Variants in LPP observed in about 807,000 individuals in gnomAD.
LPP encodes lipoma-preferred partner.
Under a neutral mutation model 60.4 loss-of-function variants are expected in LPP, and 38 were observed. The ratio of observed to expected loss-of-function variants is 0.63; its 90% CI spans 0.49 to 0.83. LPP has a LOEUF of 0.83. LPP is among the 40% of genes least tolerant of loss of function. The pLI, the probability that LPP is intolerant of heterozygous loss-of-function variation, is 0.00. For synonymous variants in LPP, 328 were observed against 290.8 expected, an observed-to-expected ratio of 1.13 and a Z score of -1.30; for missense variants, 902 against 783.6, an observed-to-expected ratio of 1.15 and a Z score of -1.80.
At chr3:188,311,894 T>G (rs1355314910) in intron 2 of LPP, among the ~76,000 whole-genome samples, 3 of 152,098 alleles carry the variant, frequency 2.0e-5, no homozygotes, top group Non-Finnish European at 4.4e-5. Context: ...CTGCCTCGAC[T>G]TCCCAAAGTG....
At position 188,828,539 on chromosome 3, in the gene LPP, C is replaced by T. The variant is rs556411399; in HGVS notation, c.1411-37661C>T. ...CTGAGGCAGGAGAATTGCTTGAACT[C>T]GGGAGGTGGAGGTTTCAGAGAGCAG... is the stretch of plus-strand genomic sequence containing the variant. On this transcript the variant is annotated intron_variant, in intron 9 of 11. Coordinates refer to ENST00000617246, the MANE Select transcript of LPP (RefSeq NM_001375462.1). 1.2e-4 allele frequency among the ~76,000 whole-genome samples: 16 copies of T among 135,350 alleles called. No individual in the cohort carries two copies. The South Asian group carries it at 1.9e-3, about 16-fold the overall frequency. The allele number at this position is 135,350 out of a possible 152,430, so 88.8% of individuals were successfully genotyped here.
intron 6 of LPP, among the ~76,000 whole-genome samples, chr3:188,557,469 G>C (rs897388226): frequency 6.6e-6 from 1 of 152,102 alleles, no homozygotes; most frequent in African/African-American, 2.4e-5. Context: ...TGCAATTCCT[G>C]TGCCAATTCA....
chr3:188,407,779 TGTTTGTTTG>T lies in LPP; in HGVS notation c.193+1467_193+1475del, dbSNP rs1463961185. The stretch of plus-strand genomic sequence containing the variant: ...CTTCCTCATTTATGGTTTTTTTTTT[TGTTTGTTTG>T]TTTTTTTTTTTTTTTTTTTGAGATG... On this transcript the variant is annotated intron_variant, in intron 4 of 11. Transcript: ENST00000617246. 8.7e-4 allele frequency among the ~76,000 whole-genome samples: 44 copies of T among 50,862 alleles called. 1 individual carries two copies. The highest frequency in any genetic ancestry group is 1.8e-3 in the African/African-American group (35 of 19,422). The allele number at this position is 50,862 out of a possible 152,430, so 33.4% of individuals were successfully genotyped here.
intron 9 of LPP, among the ~76,000 whole-genome samples, chr3:188,843,699 A>G (rs1461465505): frequency 6.8e-6 from 1 of 147,182 alleles, no homozygotes; most frequent in Non-Finnish European, 1.5e-5. Context: ...AGGCAGGAGA[A>G]TGGCGTGAAC....
chr3:188,272,418 A>C (rs1331079037), intron 2 of LPP, among the ~76,000 whole-genome samples: 3 of 152,194 alleles, frequency 2.0e-5, no homozygotes, highest in South Asian at 2.1e-4. Flanking sequence ...TCACCGTAAT[A>C]TTAGGACCAA....
At chr3:188,798,923 A>G (rs1382768512) in intron 9 of LPP, among the ~76,000 whole-genome samples, 1 of 152,232 alleles carries the variant, frequency 6.6e-6, no homozygotes, top group Non-Finnish European at 1.5e-5. Context: ...ATACAGCTGC[A>G]GTGTGGGTTC....
intron 2 of LPP, among the ~76,000 whole-genome samples, chr3:188,304,160 C>T (rs1015044123): frequency 6.6e-6 from 1 of 152,054 alleles, no homozygotes; most frequent in Non-Finnish European, 1.5e-5. Flanking sequence ...AGCTTTGTTG[C>T]TTTTGAATTT....
intron 5 of LPP, among the ~76,000 whole-genome samples, chr3:188,501,718 G>A (rs1323690898): frequency 4.8e-5 from 7 of 145,766 alleles, no homozygotes; most frequent in Admixed American, 1.4e-4. Flanking sequence ...CAGCCTGGGT[G>A]ACAGAGGAAG....
chr3:188,640,887 T>G (rs529416498), intron 7 of LPP, among the ~76,000 whole-genome samples: 2 of 152,348 alleles, frequency 1.3e-5, no homozygotes, highest in Non-Finnish European at 2.9e-5. Context: ...GAAATTACTA[T>G]TTGTATTATT....
chr3:188,543,613 T>C (rs1412491521), intron 6 of LPP, among the ~76,000 whole-genome samples: 2 of 152,188 alleles, frequency 1.3e-5, no homozygotes, highest in Non-Finnish European at 2.9e-5. Context: ...TATCCTCAGT[T>C]ATTTGTCATG....
intron 5 of LPP, among the ~76,000 whole-genome samples, chr3:188,512,566 A>AATAC (rs72175777): frequency 2.7e-5 from 4 of 150,318 alleles, no homozygotes; most frequent in African/African-American, 9.8e-5. Flanking sequence ...TCTATAAATA[A>AATAC]ATAAATAAAT....
rs1266335912 is a variant in LPP, at chr3:188,697,513, C to T, written c.1114-10754C>T. 2.6e-5 allele frequency among the ~76,000 whole-genome samples: 4 copies of T among 152,210 alleles called. No individual in the cohort carries two copies. The East Asian group carries it at 7.7e-4, about 29-fold the overall frequency. On this transcript the variant is annotated intron_variant, in intron 7 of 11. Transcript: ENST00000617246. ...GGAAAGTGTTTTTATGCATATCAGA[C>T]TGAAAATCTAGGTGCCTTATTTTTA...
At chr3:188,640,754 A>G (rs1014033676) in intron 7 of LPP, among the ~76,000 whole-genome samples, 1 of 152,062 alleles carries the variant, frequency 6.6e-6, no homozygotes, top group African/African-American at 2.4e-5. Context: ...TCAGAATGAT[A>G]GTAACTGGCC....
intron 7 of LPP, among the ~76,000 whole-genome samples, chr3:188,676,161 G>A (rs1858030512): frequency 6.6e-6 from 1 of 152,134 alleles, no homozygotes; most frequent in African/African-American, 2.4e-5. Flanking sequence ...GTATTCTGGT[G>A]GAATCGAATT....
At chr3:188,443,324 T>G (rs1404448473) in intron 4 of LPP, among the ~76,000 whole-genome samples, 2 of 152,234 alleles carry the variant, frequency 1.3e-5, no homozygotes, top group African/African-American at 4.8e-5. Flanking sequence ...CTGCATAGCT[T>G]CAGTCTGATG....
chr3:188,263,395 C>T (rs1734367928), intron 2 of LPP, among the ~76,000 whole-genome samples: 1 of 152,200 alleles, frequency 6.6e-6, no homozygotes, highest in Non-Finnish European at 1.5e-5. Flanking sequence ...ATTATTTTCT[C>T]TCTCAAAACC....
chr3:188,371,452 G>C (rs1328586054), intron 3 of LPP, among the ~76,000 whole-genome samples: 2 of 150,724 alleles, frequency 1.3e-5, no homozygotes, highest in Non-Finnish European at 3.0e-5. Context: ...ACCATGACCA[G>C]GTATCAGACA....
intron 7 of LPP, among the ~76,000 whole-genome samples, chr3:188,638,359 G>A (rs1011811886): frequency 7.5e-5 from 11 of 147,648 alleles, no homozygotes; most frequent in East Asian, 4.0e-4. Flanking sequence ...TTGATGGGAT[G>A]TATTTCAAAA....
intron 2 of LPP, among the ~76,000 whole-genome samples, chr3:188,320,764 G>A (rs913648214): frequency 2.0e-5 from 3 of 152,138 alleles, no homozygotes; most frequent in Non-Finnish European, 2.9e-5. Flanking sequence ...CTGATGCATC[G>A]TACTTACTGA....
Sources: allele counts gnomAD v4.1 joint callset (sites outside exome capture counted in the v4.1 genomes callset), GRCh38; gene constraint gnomAD v4.1.1; transcripts MANE v1.5; gene names NCBI Gene and HGNC (gene_info 2026-07-23, HGNC 2026-07-21).